BLOC1S3: variants seen among roughly 807,000 people sequenced by gnomAD.
BLOC1S3 encodes biogenesis of lysosomal organelles complex 1 subunit 3.
In BLOC1S3, 7 loss-of-function variants were observed where a neutral mutation model predicts 9.1. That is an observed-to-expected ratio of 0.77 (90% CI 0.44 to 1.45). The LOEUF is 1.45. Among genes scored for constraint, BLOC1S3 ranks in the 40% most tolerant of loss-of-function variants. The pLI is 0.01. For synonymous variants in BLOC1S3, 145 were observed against 158.4 expected (o/e 0.92, Z 0.64); for missense variants, 307 against 315.2 (o/e 0.97, Z 0.20).
intron 2 of BLOC1S3, among the ~76,000 whole-genome samples, chr19:45,195,208 C>A (rs1248853188): frequency 2.0e-5 from 3 of 151,896 alleles, no homozygotes; most frequent in Non-Finnish European, 4.4e-5. Flanking sequence ...CGCGCCTGGC[C>A]AATTTTTTAT....
chr19:45,210,046 A>AAAAACAAAACAAAACAAAACAAAAC (rs61681909), intron 3 of BLOC1S3, among the ~76,000 whole-genome samples: 43 of 151,926 alleles, frequency 2.8e-4, no homozygotes, highest in African/African-American at 9.7e-4. Flanking sequence ...ACTCTGTCTC[A>AAAAACAAAACAAAACAAAACAAAAC]AAAACAAAAC....
intron 2 of BLOC1S3, among the ~76,000 whole-genome samples, chr19:45,195,943 G>A (rs1969645435): frequency 6.6e-6 from 1 of 152,176 alleles, no homozygotes; most frequent in African/African-American, 2.4e-5. Context: ...TAATCAGAAT[G>A]AAAAACAGCT....
chr19:45,204,682 G>A (rs1241184053), intron 3 of BLOC1S3, among the ~76,000 whole-genome samples: 1 of 152,142 alleles, frequency 6.6e-6, no homozygotes, highest in Non-Finnish European at 1.5e-5. Flanking sequence ...GCTGCCTCTT[G>A]CCATGCCCAG....
At chr19:45,187,493 A>G (rs895496401) in intron 1 of BLOC1S3, 2 of 152,382 alleles carry the variant, frequency 1.3e-5, no homozygotes, top group African/African-American at 4.8e-5. Context: ...GGCATCGCAC[A>G]CTGACCCAGG....
intron 2 of BLOC1S3, among the ~76,000 whole-genome samples, chr19:45,194,088 C>A (rs886693190): frequency 7.6e-6 from 1 of 131,130 alleles, no homozygotes; most frequent in Non-Finnish European, 1.6e-5. Flanking sequence ...CAGGTGTGAG[C>A]CACCGCGCCT....
At chr19:45,206,353 C>CAAAA in intron 3 of BLOC1S3, among the ~76,000 whole-genome samples, 1 of 83,900 alleles carries the variant, frequency 1.2e-5, no homozygotes, top group Non-Finnish European at 2.2e-5. Context: ...GTGAAACTCT[C>CAAAA]AAAAAAAAAA....
chr19:45,206,118 C>T (rs1056065062), intron 3 of BLOC1S3, among the ~76,000 whole-genome samples: 3 of 151,960 alleles, frequency 2.0e-5, no homozygotes, highest in East Asian at 1.9e-4. Context: ...GAGGCCGAGG[C>T]GGGTGGATCA....
intron 3 of BLOC1S3, among the ~76,000 whole-genome samples, chr19:45,215,438 T>C (rs1969822479): frequency 6.6e-6 from 1 of 151,604 alleles, no homozygotes; most frequent in Non-Finnish European, 1.5e-5. Flanking sequence ...GCCACTGCAC[T>C]CCAGCCAGGG....
At chr19:45,189,563 G>A (rs117748693) in intron 2 of BLOC1S3, among the ~76,000 whole-genome samples, 8,048 of 148,686 alleles carry the variant, frequency 0.054, 336 homozygotes, top group African/African-American at 0.11. Flanking sequence ...CTCCCGAATA[G>A]CTGAGATTAT....
chr19:45,188,516 G>T (rs184222011), intron 2 of BLOC1S3, among the ~76,000 whole-genome samples: 1 of 150,380 alleles, frequency 6.6e-6, no homozygotes, highest in Admixed American at 6.6e-5. Context: ...ACCCGGATGT[G>T]CTGTCAAATA....
chr19:45,190,323 A>C (rs916162995), intron 2 of BLOC1S3, among the ~76,000 whole-genome samples: 5 of 151,160 alleles, frequency 3.3e-5, no homozygotes, highest in African/African-American at 1.2e-4. Flanking sequence ...GTTATCTTGA[A>C]TTTTGTTGAG....
chr19:45,183,245 C>T (rs546516873), downstream of BLOC1S3, among the ~76,000 whole-genome samples: 6 of 151,984 alleles, frequency 3.9e-5, no homozygotes, highest in East Asian at 9.7e-4. Context: ...TTTGGGAGGT[C>T]GAGGCAGGCA....
chr19:45,213,476 C>T, intron 3 of BLOC1S3: 1 of 1,190,128 alleles, frequency 8.4e-7, no homozygotes, highest in Non-Finnish European at 1.2e-6. Context: ...AGTTCTGGGG[C>T]CTCTGTGTCC....
At chr19:45,191,653 G>A (rs537048063) in intron 2 of BLOC1S3, among the ~76,000 whole-genome samples, 3 of 152,366 alleles carry the variant, frequency 2.0e-5, no homozygotes, top group African/African-American at 7.2e-5. Flanking sequence ...GGCACCCCAA[G>A]CCCAGGAATG....
chr19:45,207,879 T>C (rs1737172875), intron 3 of BLOC1S3, among the ~76,000 whole-genome samples: 1 of 152,184 alleles, frequency 6.6e-6, no homozygotes, highest in African/African-American at 2.4e-5. Context: ...GGTCTTAGAA[T>C]TGAACTAATG....
intron 3 of BLOC1S3, chr19:45,213,505 C>A: frequency 3.5e-6 from 3 of 853,980 alleles, no homozygotes; most frequent in South Asian, 1.8e-5. Flanking sequence ...GCCTTCCCTC[C>A]AATCAGCTCC....
intron 3 of BLOC1S3, chr19:45,216,091 C>A (rs777339452): frequency 1.2e-6 from 2 of 1,613,846 alleles, no homozygotes; most frequent in Non-Finnish European, 1.7e-6. Flanking sequence ...TGGGTAGTCG[C>A]GCACCAACAC....
At chr19:45,182,883 T>C (rs1969536456), downstream of BLOC1S3, among the ~76,000 whole-genome samples, 1 of 152,044 alleles carries the variant, frequency 6.6e-6, no homozygotes, top group Non-Finnish European at 1.5e-5. Context: ...GTAAAGGAGC[T>C]TTATGAAGGT....
rs751579086 is a variant in BLOC1S3, at chr19:45,179,431, C to A, written c.135C>A (p.Gly45=). 1 of 1,532,404 alleles carries A rather than the reference C, an allele frequency of 6.5e-7. No individual in the cohort carries two copies. The highest frequency in any genetic ancestry group is 1.4e-5 in the African/African-American group (1 of 71,686). The allele number at this position is 1,532,404 out of a possible 1,614,324, so 94.9% of individuals were successfully genotyped here. A position where few individuals can be genotyped will look rare whatever the true frequency, so the allele number is the denominator to read the frequency against. Residue 45 remains glycine (G), a synonymous_variant, in exon 2 of 2, where the codon GGC becomes GGA. Transcript: ENST00000433642. The surrounding 1 kb of genome is among the most constrained non-coding windows in gnomAD (Gnocchi z 4.6). ...EEEELYLGPS[G]PTRGRPTGLR... is the part of the protein sequence containing the mutation. ...AGGAGCTGTACCTGGGTCCTTCGGG[C>A]CCGACGCGCGGCCGCCCCACGGGGC...
Sources: allele counts gnomAD v4.1 joint callset (sites outside exome capture counted in the v4.1 genomes callset), GRCh38; gene constraint gnomAD v4.1.1; non-coding constraint Gnocchi (gnomAD v3.1); transcripts MANE v1.5; gene names NCBI Gene and HGNC (gene_info 2026-07-23, HGNC 2026-07-21).